GPC6: variants seen among roughly 807,000 people sequenced by gnomAD.
The protein encoded by GPC6 is glypican 6.
GPC6 carries 14 observed loss-of-function variants against 55.2 expected under a neutral mutation model. That is an observed-to-expected ratio of 0.25 (90% CI 0.17 to 0.40). The LOEUF (loss-of-function observed/expected upper bound fraction) is 0.40. Among genes scored for constraint, GPC6 ranks in the 10% least tolerant of loss-of-function variants. The pLI is 1.00. For synonymous variants in GPC6, 278 were observed against 259.6 expected (o/e 1.07, Z -0.68); for missense variants, 641 against 708.5 (o/e 0.90, Z 1.08).
At chr13:93,246,661 G>A (rs1260890183) in intron 1 of GPC6, among the ~76,000 whole-genome samples, 1 of 151,628 alleles carries the variant, frequency 6.6e-6, no homozygotes. Context: ...AGCCGGATGT[G>A]GTGGTGGGCA....
chr13:93,989,873 A>G (rs1027959974), intron 3 of GPC6, among the ~76,000 whole-genome samples: 2 of 150,344 alleles, frequency 1.3e-5, no homozygotes, highest in Admixed American at 6.7e-5. Context: ...CCACAGAACT[A>G]AACTTTATAT....
chr13:93,656,635 G>A (rs561195830), intron 2 of GPC6, among the ~76,000 whole-genome samples: 5 of 152,124 alleles, frequency 3.3e-5, no homozygotes, highest in African/African-American at 9.6e-5. Context: ...AGAGGATATG[G>A]CTATCAATCT....
At position 93,455,203 on chromosome 13, in the gene GPC6, C is replaced by T. The variant is rs527484292; in HGVS notation, c.161-90060C>T. 1.1e-3 allele frequency among the ~76,000 whole-genome samples: 171 copies of T among 152,280 alleles called. 2 individuals are homozygous for T. Among genetic ancestry groups the T allele is most frequent in the Non-Finnish European group, 1.8e-4 (12 of 68,030 alleles). The stretch of plus-strand genomic sequence containing the variant: ...TCCCTGCAATCTGAGGGAGCCGGCT[C>T]CGGCCTTGGCCAGACCAGAAAGGGG... On this transcript the variant is annotated intron_variant, in intron 1 of 8. Coordinates refer to ENST00000377047, the MANE Select transcript of GPC6 (RefSeq NM_005708.5).
intron 6 of GPC6, among the ~76,000 whole-genome samples, chr13:94,366,958 A>G (rs1285289180): frequency 1.3e-5 from 2 of 152,236 alleles, no homozygotes; most frequent in Non-Finnish European, 2.9e-5. Flanking sequence ...CTCAATGCCA[A>G]GAGAGGAGGA....
At chr13:93,992,504 T>A (rs1881356921) in intron 3 of GPC6, among the ~76,000 whole-genome samples, 1 of 152,140 alleles carries the variant, frequency 6.6e-6, no homozygotes, top group African/African-American at 2.4e-5. Flanking sequence ...CCAAAGCAAT[T>A]AGAGAAGTTT....
At chr13:93,633,723 G>T (rs1594328503) in intron 2 of GPC6, among the ~76,000 whole-genome samples, 1 of 152,052 alleles carries the variant, frequency 6.6e-6, no homozygotes, top group Admixed American at 6.6e-5. Context: ...GATAAAGCAA[G>T]AATAGAAGGA....
At chr13:93,220,283 T>A in the GPC6 span, among the ~76,000 whole-genome samples, 1 of 152,222 alleles carries the variant, frequency 6.6e-6, no homozygotes, top group East Asian at 1.9e-4. Context: ...TTGTTTATGA[T>A]GCCAGATGAT....
At chr13:94,245,801 A>G (rs1891179406) in intron 4 of GPC6, among the ~76,000 whole-genome samples, 1 of 151,986 alleles carries the variant, frequency 6.6e-6, no homozygotes, top group Non-Finnish European at 1.5e-5. Context: ...GTGTTTCCAT[A>G]TCTTGGCTAT....
intron 4 of GPC6, among the ~76,000 whole-genome samples, chr13:94,211,319 G>A (rs1890069921): frequency 6.6e-6 from 1 of 152,020 alleles, no homozygotes; most frequent in Admixed American, 6.6e-5. Context: ...GTATTTATTG[G>A]ATACAATAAC....
chr13:93,798,304 T>A (rs919929153), intron 2 of GPC6, among the ~76,000 whole-genome samples: 2 of 152,210 alleles, frequency 1.3e-5, no homozygotes, highest in Non-Finnish European at 2.9e-5. Context: ...TGAACCAAGT[T>A]ACTTGACTTG....
intron 4 of GPC6, among the ~76,000 whole-genome samples, chr13:94,093,165 G>T (rs1056325702): frequency 6.6e-6 from 1 of 151,906 alleles, no homozygotes; most frequent in African/African-American, 2.4e-5. Flanking sequence ...ATCTTTTGGT[G>T]TCATATTCAA....
intron 3 of GPC6, among the ~76,000 whole-genome samples, chr13:93,997,266 C>T (rs1403093915): frequency 2.6e-5 from 4 of 152,050 alleles, no homozygotes; most frequent in Admixed American, 6.6e-5. Context: ...GTGCCTTTCA[C>T]GTACAAAAAA....
At chr13:93,989,300 G>A (rs1405624000) in intron 3 of GPC6, among the ~76,000 whole-genome samples, 1 of 152,122 alleles carries the variant, frequency 6.6e-6, no homozygotes, top group Non-Finnish European at 1.5e-5. Flanking sequence ...CTTGAGTGCA[G>A]GGACCATGTG....
chr13:93,398,512 G>C (rs993889230), intron 1 of GPC6, among the ~76,000 whole-genome samples: 2 of 152,136 alleles, frequency 1.3e-5, no homozygotes, highest in African/African-American at 4.8e-5. Context: ...TGAGTAGTCT[G>C]CTTTAACTTG....
chr13:94,069,239 A>C (rs1214501831), intron 4 of GPC6, among the ~76,000 whole-genome samples: 2 of 152,184 alleles, frequency 1.3e-5, no homozygotes, highest in African/African-American at 4.8e-5. Context: ...CTCTGAAGCC[A>C]TAGCCAGAGC....
At chr13:94,117,553 G>A (rs932039267) in intron 4 of GPC6, among the ~76,000 whole-genome samples, 2 of 152,088 alleles carry the variant, frequency 1.3e-5, no homozygotes, top group Non-Finnish European at 2.9e-5. Context: ...AGGTGGTCAA[G>A]GCAAATCAAG....
chr13:93,672,264 G>A (rs1417573078), intron 2 of GPC6, among the ~76,000 whole-genome samples: 2 of 149,624 alleles, frequency 1.3e-5, no homozygotes, highest in African/African-American at 4.9e-5. Context: ...ACACATATAT[G>A]TTTAAGAGAA....
At chr13:94,354,093 A>G (rs1209864271) in intron 6 of GPC6, among the ~76,000 whole-genome samples, 1 of 152,318 alleles carries the variant, frequency 6.6e-6, no homozygotes, top group Middle Eastern at 3.4e-3. Context: ...AACAATGAAC[A>G]TTTCCTCTTA....
chr13:93,781,911 A>T (rs1885664777), intron 2 of GPC6, among the ~76,000 whole-genome samples: 1 of 152,194 alleles, frequency 6.6e-6, no homozygotes, highest in East Asian at 1.9e-4. Flanking sequence ...GAATTTTATT[A>T]GCATATGTAT....
Sources: allele counts gnomAD v4.1 joint callset (sites outside exome capture counted in the v4.1 genomes callset), GRCh38; gene constraint gnomAD v4.1.1; transcripts MANE v1.5; gene names NCBI Gene and HGNC (gene_info 2026-07-23, HGNC 2026-07-21).